HNRNPL: variants seen among roughly 807,000 people sequenced by gnomAD.
HNRNPL encodes the protein heterogeneous nuclear ribonucleoprotein L.
In HNRNPL, 12 loss-of-function variants were observed where a neutral mutation model predicts 64.0. The ratio of observed to expected loss-of-function variants is 0.19; its 90% CI spans 0.12 to 0.30. The LOEUF (loss-of-function observed/expected upper bound fraction) is 0.30, where lower values mean the gene tolerates loss of function less well. HNRNPL is among the 10% of genes least tolerant of loss of function. The pLI, the probability that HNRNPL is intolerant of heterozygous loss-of-function variation, is 1.00. For missense variants in HNRNPL, 484 were observed against 797.4 expected (o/e 0.61, Z 4.73); for synonymous variants, 385 against 313.0 (o/e 1.23, Z -2.43).
At chr19:38,850,265 G>T (rs946823797), upstream of HNRNPL, 3 of 337,034 alleles carry the variant, frequency 8.9e-6, no homozygotes, top group African/African-American at 6.4e-5. Context: ...CTCCCTAAAA[G>T]CACCTGATAG....
chr19:38,852,316 C>G (rs1381618587), upstream of HNRNPL: 2 of 152,018 alleles, frequency 1.3e-5, no homozygotes, highest in East Asian at 1.9e-4. Flanking sequence ...GCGAGCCTGA[C>G]CGGCCGTCCC....
At chr19:38,837,253 ACCTG>A in intron 12 of HNRNPL, 127 bp downstream of exon 12, 1 of 711,626 alleles carries the variant, frequency 1.4e-6, no homozygotes, top group Non-Finnish European at 2.5e-6. Context: ...AGCAGGTCCC[ACCTG>A]CCTGTGTCAC....
At chr19:38,850,029 G>T, upstream of HNRNPL, 1 of 1,282,482 alleles carries the variant, frequency 7.8e-7, no homozygotes, top group Non-Finnish European at 1.0e-6. Flanking sequence ...GTCACCCGCC[G>T]CCCCCACCCG....
intron 8 of HNRNPL, among the ~76,000 whole-genome samples, chr19:38,839,855 G>A (rs1321808509): frequency 2.0e-5 from 3 of 152,272 alleles, no homozygotes; most frequent in East Asian, 3.9e-4. Flanking sequence ...TCATGTACTG[G>A]TATTAGTACT....
intron 6 of HNRNPL, 113 bp downstream of exon 6, chr19:38,843,729 T>C: frequency 1.1e-6 from 1 of 870,696 alleles, no homozygotes; most frequent in Non-Finnish European, 1.9e-6. Context: ...GGCCCTCCCA[T>C]GTCCATGGGG....
At chr19:38,843,687 A>T (rs1442592493) in intron 6 of HNRNPL, 155 bp downstream of exon 6, 1 of 637,320 alleles carries the variant, frequency 1.6e-6, no homozygotes, top group Non-Finnish European at 2.8e-6. Flanking sequence ...TCACTCCCCC[A>T]TCCCACTAGG....
In HNRNPL at chr19:38,849,760, C is replaced by G; in HGVS notation, c.207G>C (p.Gln69His). 7.0e-7 allele frequency: 1 copy of G among 1,421,408 alleles called. No homozygotes were observed. Among genetic ancestry groups the G allele is most frequent in the Non-Finnish European group, 9.3e-7 (1 of 1,081,062 alleles). The allele number at this position is 1,421,408 out of a possible 1,614,324, so 88.0% of individuals were successfully genotyped here. A position where few individuals can be genotyped will look rare whatever the true frequency, so the allele number is the denominator to read the frequency against. ...CACCGCCACCGCCGCCGCCTCCGTGCTGGTCGCCGGCGTTGTCAGTCTTGA... is the reference window on the plus strand; with the variant it reads ...CACCGCCACCGCCGCCGCCTCCGTGGTGGTCGCCGGCGTTGTCAGTCTTGA... The part of the protein sequence containing the change: ...KRLKTDNAGD[Q>H]HGGGGGGGGG... The change falls in exon 1 of 13, where the codon CAG (glutamine) becomes CAC (histidine). Residue 69 changes from glutamine to histidine, a missense_variant. Transcript: ENST00000221419.
chr19:38,841,833 A>C (rs896936627), intron 6 of HNRNPL: 1 of 397,642 alleles, frequency 2.5e-6, no homozygotes, highest in African/African-American at 2.1e-5. Flanking sequence ...AAAAGTGGAA[A>C]TAAAGGTGTA....
chr19:38,850,046 G>A, upstream of HNRNPL: 1 of 1,205,324 alleles, frequency 8.3e-7, no homozygotes. Flanking sequence ...CCCGATAGGG[G>A]GAGCCACTGG....
chr19:38,839,496 CT>C (rs1392898225), intron 8 of HNRNPL: 1 of 176,430 alleles, frequency 5.7e-6, no homozygotes, highest in East Asian at 1.6e-4. Flanking sequence ...TCCACTTCCC[CT>C]GTCCATCTCA....
intron 6 of HNRNPL, among the ~76,000 whole-genome samples, chr19:38,843,177 T>C (rs548035633): frequency 2.4e-4 from 36 of 151,926 alleles, no homozygotes; most frequent in Middle Eastern, 3.4e-3. Flanking sequence ...CCGAGATGGA[T>C]GGTCTTGTTG....
intron 1 of HNRNPL, 38 bp downstream of exon 1, chr19:38,849,662 G>A (rs1428088858): frequency 2.3e-6 from 3 of 1,307,770 alleles, no homozygotes; most frequent in Non-Finnish European, 2.9e-6. Flanking sequence ...TTGTCCCCCA[G>A]TTCCCGGCCT....
At chr19:38,841,584 A>C (rs554382928) in intron 6 of HNRNPL, 2 of 1,065,988 alleles carry the variant, frequency 1.9e-6, no homozygotes, top group East Asian at 1.2e-4. Flanking sequence ...TCCATTTGTC[A>C]CAAAAAACAA....
intron 4 of HNRNPL, chr19:38,845,215 G>GCCTGGCCAACAACCTGAAACCAC (rs56358540): frequency 0.62 from 95,106 of 154,578 alleles, 29,975 homozygotes; most frequent in South Asian, 0.74. Context: ...TTCGAAACCA[G>GCCTGGCCAACAACCTGAAACCAC]ATCTCTACTA....
intron 2 of HNRNPL, 101 bp from the exon 3 acceptor site, chr19:38,846,191 C>T (rs573461490): frequency 1.1e-6 from 1 of 873,808 alleles, no homozygotes; most frequent in East Asian, 2.4e-5. Flanking sequence ...GGCCTCTGAA[C>T]TCCTCTGCAA....
In HNRNPL at chr19:38,840,506, C is replaced by G; in HGVS notation, c.934G>C (p.Asp312His). The G allele has an allele frequency of 1.9e-6, 3 of 1,592,506 alleles. No individual in the cohort carries two copies. The highest frequency in any genetic ancestry group is 2.6e-6 in the Non-Finnish European group (3 of 1,170,446). The change falls in exon 7 of 13, where the codon GAT becomes CAT. Residue 312 changes from aspartate (D) to histidine (H), a missense_variant. Around this residue, in one of 9 missense-constraint regions of HNRNPL, gnomAD observed 60 missense variants for 192.2 expected, o/e 0.31. Coordinates refer to ENST00000221419, the MANE Select transcript of HNRNPL (RefSeq NM_001533.3). ...CCCTCACCATATTCTGCGGGGTGATCTCCCAGGAGAGGGGGCTGCCTCTGG... is the reference window on the plus strand; with the variant it reads ...CCCTCACCATATTCTGCGGGGTGATGTCCCAGGAGAGGGGGCTGCCTCTGG... ...KRQRQPPLLG[D>H]HPAEYGGPHG... is the part of the protein sequence containing the mutation.
chr19:38,837,004 G>T, intron 12 of HNRNPL: 1 of 539,972 alleles, frequency 1.9e-6, no homozygotes, highest in South Asian at 2.6e-5. Flanking sequence ...TATCTCCTTC[G>T]CCAGCCCAAG....
upstream of HNRNPL, among the ~76,000 whole-genome samples, chr19:38,852,129 C>T (rs917693549): frequency 6.7e-6 from 1 of 148,540 alleles, no homozygotes; most frequent in South Asian, 2.1e-4. Context: ...GTCTCCCCGG[C>T]GCCGCACGTT....
At chr19:38,837,780 C>T (rs1389744630) in intron 10 of HNRNPL, 129 bp from the exon 11 acceptor site, 3 of 744,306 alleles carry the variant, frequency 4.0e-6, no homozygotes, top group Non-Finnish European at 6.8e-6. Flanking sequence ...GATTTTATCA[C>T]ATACCCTAAG....
Sources: allele counts gnomAD v4.1 joint callset (sites outside exome capture counted in the v4.1 genomes callset), GRCh38; gene constraint gnomAD v4.1.1; regional missense constraint gnomAD v4.1.1; transcripts MANE v1.5; gene names NCBI Gene and HGNC (gene_info 2026-07-23, HGNC 2026-07-21).